The following VRK1 variants were observed in gnomAD, a reference collection of about 807,000 sequenced individuals.
The protein encoded by VRK1 is VRK serine/threonine kinase 1.
A neutral mutation model predicts 57.1 loss-of-function variants in VRK1; 33 were observed. The observed-to-expected ratio is 0.58, with a 90% CI of 0.44 to 0.77. The LOEUF is 0.77. Ranked by LOEUF, VRK1 falls within the 30% of genes least tolerant of loss-of-function variation. The pLI is 0.00. For missense variants in VRK1, 413 were observed against 477.3 expected (o/e 0.87, Z 1.25); for synonymous variants, 137 against 147.8 (o/e 0.93, Z 0.53).
In VRK1 at chr14:96,818,386, G is replaced by A. The variant is rs190156987; in HGVS notation, c.-5-15081G>A. Among the ~76,000 whole-genome samples, 734 of 148,818 alleles carry A rather than the reference G, an allele frequency of 4.9e-3. 1 individual carries two copies. Among genetic ancestry groups the A allele is most frequent in the Non-Finnish European group, 7.5e-3 (510 of 67,970 alleles). On this transcript the variant is annotated intron_variant, in intron 1 of 12. Coordinates refer to ENST00000216639, the MANE Select transcript of VRK1 (RefSeq NM_003384.3). The stretch of plus-strand genomic sequence containing the variant: ...TACAAGTAAAAAAATTTCTGACTAG[G>A]AAGAAATTTTTTCTTTTCTGAAGAT...
chr14:96,856,160 T>C lies in VRK1; in HGVS notation c.740T>C (p.Leu247Pro), dbSNP rs1478722226. 9 of 1,613,804 alleles carry C rather than the reference T, an allele frequency of 5.6e-6. No homozygotes were observed. The highest frequency in any genetic ancestry group is 6.8e-6 in the Non-Finnish European group (8 of 1,179,808). ...APSRRGDLEI[L>P]GYCMIQWLTG... ...TCAAGACGTGGTGATTTGGAAATAC[T>C]TGGTTATTGCATGATCCAATGGCTT... The change falls in exon 9 of 13, where the codon CTT becomes CCT. Residue 247 changes from leucine to proline, a missense_variant. By Grantham distance (98) the Leu-to-Pro change is moderately conservative. This residue lies in a region of VRK1 where 151 missense variants were observed against 225.5 expected (regional missense o/e 0.67). Transcript: ENST00000216639.
At chr14:96,856,350 A>G (rs1888153656) in intron 9 of VRK1, 100 bp downstream of exon 9, 1 of 1,462,592 alleles carries the variant, frequency 6.8e-7, no homozygotes, top group Admixed American at 1.9e-5. Flanking sequence ...TGATACTGAT[A>G]TAGAAATAAG....
intron 3 of VRK1, 109 bp from the exon 4 acceptor site, chr14:96,845,986 A>G (rs1887669698): frequency 4.8e-6 from 5 of 1,036,616 alleles, no homozygotes; most frequent in South Asian, 1.3e-5. Flanking sequence ...TTAAGTATCA[A>G]AATTACATTG....
Position 96,818,923 on chromosome 14 carries a change from T to G in VRK1, c.-5-14544T>G, listed in dbSNP as rs540739750. ...GGGAAGTGGCTTTATAAACTCAAGATTCTGTATTTTATTTTTCAAATGATT... is the reference window on the plus strand; with the variant it reads ...GGGAAGTGGCTTTATAAACTCAAGAGTCTGTATTTTATTTTTCAAATGATT... On this transcript the variant is annotated intron_variant, in intron 1 of 12. Transcript: ENST00000216639. Among the ~76,000 whole-genome samples the G allele has an allele frequency of 2.0e-5, 3 of 152,284 alleles. No homozygotes were observed. The South Asian group carries it at 6.2e-4, about 32-fold the overall frequency.
chr14:96,798,038 C>T (rs796158064), intron 1 of VRK1, among the ~76,000 whole-genome samples: 1 of 152,112 alleles, frequency 6.6e-6, no homozygotes, highest in Non-Finnish European at 1.5e-5. Context: ...GAGGCCGACC[C>T]CTGAGGATAG....
At chr14:96,857,373 G>C (rs1341355485) in intron 10 of VRK1, among the ~76,000 whole-genome samples, 1 of 152,140 alleles carries the variant, frequency 6.6e-6, no homozygotes, top group Non-Finnish European at 1.5e-5. Flanking sequence ...TAGGAAGGAG[G>C]TGAGGGAGGG....
chr14:96,804,058 G>A (rs1885773478), intron 1 of VRK1, among the ~76,000 whole-genome samples: 1 of 152,172 alleles, frequency 6.6e-6, no homozygotes, highest in Non-Finnish European at 1.5e-5. Flanking sequence ...TATATGGATC[G>A]TGTTTTTAGT....
chr14:96,852,335 A>G lies in VRK1; in HGVS notation c.375-496A>G, dbSNP rs1487090624. 5.3e-5 allele frequency among the ~76,000 whole-genome samples: 8 copies of G among 152,320 alleles called. No individual in the cohort carries two copies. In the South Asian group the frequency reaches 1.7e-3, roughly 32 times the overall value. On this transcript the variant is annotated intron_variant, in intron 5 of 12. Transcript: ENST00000216639. ...GTTTAATGTACAATCCTTTTACGCC[A>G]TTTAAACAATGGTATTGAATCTGGC... is the stretch of plus-strand genomic sequence containing the variant.
intron 1 of VRK1, among the ~76,000 whole-genome samples, chr14:96,811,628 G>C (rs74838701): frequency 0.015 from 2,283 of 152,244 alleles, 65 homozygotes; most frequent in African/African-American, 0.052. Flanking sequence ...ACCATTTGCT[G>C]GTTTCTTTGT....
intron 2 of VRK1, among the ~76,000 whole-genome samples, chr14:96,836,102 G>C (rs1465385101): frequency 1.3e-5 from 2 of 152,036 alleles, no homozygotes; most frequent in African/African-American, 4.8e-5. Context: ...TTTGGCTCTT[G>C]ATCTTTGTAT....
chr14:96,849,720 G>C (rs1942727138), intron 5 of VRK1, among the ~76,000 whole-genome samples: 1 of 152,170 alleles, frequency 6.6e-6, no homozygotes, highest in African/African-American at 2.4e-5. Context: ...TATCATAATT[G>C]GTTTCATTTG....
intron 1 of VRK1, among the ~76,000 whole-genome samples, chr14:96,805,508 A>G (rs774556243): frequency 5.3e-5 from 8 of 151,668 alleles, no homozygotes; most frequent in Non-Finnish European, 1.0e-4. Flanking sequence ...TGCAAATTAT[A>G]CTCTTCCCCT....
chr14:96,850,508 GA>G (rs1298085199), intron 5 of VRK1, among the ~76,000 whole-genome samples: 1 of 152,170 alleles, frequency 6.6e-6, no homozygotes, highest in Admixed American at 6.5e-5. Context: ...GAAATTTGTG[GA>G]ATCATGTTTC....
intron 1 of VRK1, among the ~76,000 whole-genome samples, chr14:96,830,359 A>AT (rs1275882127): frequency 4.0e-5 from 6 of 151,810 alleles, no homozygotes; most frequent in Non-Finnish European, 7.4e-5. Flanking sequence ...TTTCTTAAAC[A>AT]TTTTTTGGTC....
chr14:96,803,803 A>T (rs1480199477), intron 1 of VRK1, among the ~76,000 whole-genome samples: 1 of 152,072 alleles, frequency 6.6e-6, no homozygotes, highest in Non-Finnish European at 1.5e-5. Context: ...TGATGATTTC[A>T]TGTGCTTATT....
chr14:96,868,493 T>A (rs1327135235), intron 11 of VRK1, among the ~76,000 whole-genome samples: 1 of 152,348 alleles, frequency 6.6e-6, no homozygotes, highest in Non-Finnish European at 1.5e-5. Context: ...TAAATAGGCA[T>A]AGCAAATACA....
At chr14:96,798,723 A>G (rs1885541026) in intron 1 of VRK1, among the ~76,000 whole-genome samples, 2 of 152,224 alleles carry the variant, frequency 1.3e-5, no homozygotes, top group Non-Finnish European at 2.9e-5. Context: ...GGAGAATTTA[A>G]TCTAGAATTT....
intron 1 of VRK1, among the ~76,000 whole-genome samples, chr14:96,801,754 ATAT>A (rs1406905982): frequency 2.0e-5 from 3 of 152,212 alleles, no homozygotes; most frequent in East Asian, 3.8e-4. Context: ...AGAAAAGAAA[ATAT>A]TATTAAGAAA....
rs182154986 is a variant in VRK1, at chr14:96,835,457, C to A, written c.160+1826C>A. Among the ~76,000 whole-genome samples the A allele has an allele frequency of 2.0e-5, 3 of 152,170 alleles. No homozygotes were observed. In the East Asian group the frequency reaches 5.8e-4, roughly 29 times the overall value. ...AGGTTCACTTTTTATTCTATATATTCTTTCTGAGTGATATCAGGCTTCTCC... is the reference window on the plus strand; with the variant it reads ...AGGTTCACTTTTTATTCTATATATTATTTCTGAGTGATATCAGGCTTCTCC... On this transcript the variant is annotated intron_variant, in intron 2 of 12. Coordinates refer to ENST00000216639, the MANE Select transcript of VRK1 (RefSeq NM_003384.3).
Sources: gnomAD v4.1 joint callset for allele counts (sites outside exome capture counted in the v4.1 genomes callset) on GRCh38, gnomAD v4.1.1 for gene constraint, gnomAD v4.1.1 regional missense constraint, MANE v1.5 for transcripts, NCBI Gene and HGNC (gene_info 2026-07-23, HGNC 2026-07-21) for gene names.